The following PCDH11X variants were observed in gnomAD, a reference collection of about 807,000 sequenced individuals.
PCDH11X encodes the protein protocadherin 11 X-linked, also known as protocadherin-11 X-linked.
Under a neutral mutation model 53.3 loss-of-function variants are expected in PCDH11X, and 18 were observed. The ratio of observed to expected loss-of-function variants is 0.34; its 90% CI spans 0.23 to 0.50. The LOEUF is 0.50. Ranked by LOEUF, PCDH11X falls within the 20% of genes least tolerant of loss-of-function variation. The pLI, the probability that PCDH11X is intolerant of heterozygous loss-of-function variation, is 0.98. For missense variants in PCDH11X, 570 were observed against 1,032.4 expected, an observed-to-expected ratio of 0.55 and a Z score of 6.14; for synonymous variants, 279 against 393.3, an observed-to-expected ratio of 0.71 and a Z score of 3.44.
intron 10 of PCDH11X, among the ~76,000 whole-genome samples, chrX:92,572,035 G>A (rs1366361555): frequency 8.9e-6 from 1 of 112,345 alleles, no homozygotes; most frequent in Non-Finnish European, 1.9e-5. Flanking sequence ...TATATGTGTA[G>A]ATAAAATGTA....
intron 9 of PCDH11X, among the ~76,000 whole-genome samples, chrX:92,397,528 C>T (rs2071275324): frequency 1.9e-5 from 2 of 107,931 alleles, no homozygotes; most frequent in Admixed American, 1.0e-4. Flanking sequence ...AGTGCAGTGG[C>T]GTGATCTCAG....
At chrX:92,577,667 T>C (rs1923150852) in intron 10 of PCDH11X, among the ~76,000 whole-genome samples, 1 of 111,369 alleles carries the variant, frequency 9.0e-6, no homozygotes, top group Non-Finnish European at 1.9e-5. Context: ...TTCTAGTCAA[T>C]GTGGGCATTT....
At chrX:92,549,946 G>T (rs2074926838) in intron 10 of PCDH11X, among the ~76,000 whole-genome samples, 1 of 110,976 alleles carries the variant, frequency 9.0e-6, no homozygotes, top group Non-Finnish European at 1.9e-5. Context: ...CTTGTAGTGG[G>T]AATATTCGAA....
At chrX:92,425,488 G>C (rs965430916) in intron 9 of PCDH11X, among the ~76,000 whole-genome samples, 2 of 106,610 alleles carry the variant, frequency 1.9e-5, no homozygotes, top group Non-Finnish European at 3.9e-5. Flanking sequence ...TTTCAAATTA[G>C]AGACGGTGAA....
intron 8 of PCDH11X, among the ~76,000 whole-genome samples, chrX:92,305,029 C>A (rs1401371750): frequency 9.0e-6 from 1 of 111,131 alleles, no homozygotes; most frequent in Non-Finnish European, 1.9e-5. Flanking sequence ...TGAAAGCAAT[C>A]TGTTACACTC....
intron 10 of PCDH11X, among the ~76,000 whole-genome samples, chrX:92,544,443 A>C (rs886729929): frequency 1.8e-5 from 2 of 111,822 alleles, no homozygotes; most frequent in Non-Finnish European, 3.8e-5. Context: ...TTCTTATTCA[A>C]ATAGTGGGAC....
intron 1 of PCDH11X, among the ~76,000 whole-genome samples, chrX:91,789,219 A>G (rs1159064184): frequency 4.5e-4 from 47 of 104,309 alleles, no homozygotes; most frequent in Non-Finnish European, 3.8e-4. Flanking sequence ...AAAAAAAAAA[A>G]AAAAGAAAAG....
intron 8 of PCDH11X, among the ~76,000 whole-genome samples, chrX:92,378,966 T>A (rs1243576638): frequency 8.9e-6 from 1 of 112,892 alleles, no homozygotes; most frequent in Non-Finnish European, 1.9e-5. Context: ...AACAGAATAT[T>A]TGAATTTTGA....
rs1194359126 is a variant in PCDH11X, at chrX:92,327,662, C to A, written c.3145-60073C>A. The stretch of plus-strand genomic sequence containing the variant: ...TTGAAGAGATCTCTAACTGTCCATA[C>A]CATATGCACCTGGGATTAGTACAGT... On this transcript the variant is annotated intron_variant, in intron 8 of 10. Transcript: ENST00000682573. Among the ~76,000 whole-genome samples, 4 of 109,763 alleles carry A rather than the reference C, an allele frequency of 3.6e-5. No individual in the cohort carries two copies. In the Admixed American group the frequency reaches 3.9e-4, roughly 11 times the overall value.
intron 10 of PCDH11X, among the ~76,000 whole-genome samples, chrX:92,586,332 A>G (rs1042096218): frequency 9.0e-6 from 1 of 111,094 alleles, no homozygotes; most frequent in Non-Finnish European, 1.9e-5. Flanking sequence ...TAGTAATAAC[A>G]ATTTGTTTAA....
At chrX:92,510,424 A>G (rs1300350766) in intron 10 of PCDH11X, among the ~76,000 whole-genome samples, 1 of 107,954 alleles carries the variant, frequency 9.3e-6, no homozygotes, top group African/African-American at 3.3e-5. Context: ...TTTTAAAGTA[A>G]CTATCAGTAT....
At chrX:92,532,538 C>T (rs2074576556) in intron 10 of PCDH11X, among the ~76,000 whole-genome samples, 2 of 108,222 alleles carry the variant, frequency 1.8e-5, no homozygotes, top group Non-Finnish European at 3.8e-5. Flanking sequence ...AAAAAAACAA[C>T]ATGAAAAGTG....
chrX:92,395,536 T>C (rs189969233), intron 9 of PCDH11X, among the ~76,000 whole-genome samples: 281 of 111,123 alleles, frequency 2.5e-3, no homozygotes, highest in Non-Finnish European at 4.0e-3. Context: ...TCTTAATTTA[T>C]ATAATGAAGG....
chrX:92,520,023 T>A (rs2074340404), intron 10 of PCDH11X, among the ~76,000 whole-genome samples: 1 of 106,573 alleles, frequency 9.4e-6, no homozygotes, highest in Non-Finnish European at 1.9e-5. Context: ...GATAGGATAA[T>A]TAGACACCAC....
chrX:92,194,262 C>T (rs967442854), intron 6 of PCDH11X, among the ~76,000 whole-genome samples: 1 of 111,488 alleles, frequency 9.0e-6, no homozygotes, highest in African/African-American at 3.3e-5. Flanking sequence ...AATAAGCAAA[C>T]GTAAATTATT....
At chrX:92,501,022 A>T (rs1057231251) in intron 10 of PCDH11X, among the ~76,000 whole-genome samples, 6 of 111,083 alleles carry the variant, frequency 5.4e-5, no homozygotes, top group Admixed American at 9.6e-5. Flanking sequence ...AAATAAACAC[A>T]ATCAGAAATG....
At chrX:92,578,401 T>C (rs1339235143) in intron 10 of PCDH11X, among the ~76,000 whole-genome samples, 2 of 110,206 alleles carry the variant, frequency 1.8e-5, no homozygotes, top group African/African-American at 6.6e-5. Flanking sequence ...TGTGTGGGAG[T>C]CTAAGTCTCT....
At chrX:92,325,517 C>T (rs3844479) in intron 8 of PCDH11X, among the ~76,000 whole-genome samples, 26,304 of 110,173 alleles carry the variant, frequency 0.24, 2,758 homozygotes, top group Non-Finnish European at 0.33. Flanking sequence ...ATTTAGGTAC[C>T]AAAACTTATT....
chrX:92,464,594 C>G (rs2073121532), intron 9 of PCDH11X, among the ~76,000 whole-genome samples: 1 of 110,669 alleles, frequency 9.0e-6, no homozygotes, highest in African/African-American at 3.3e-5. Context: ...TTCTTTATAG[C>G]AGCATGAGAA....
Sources: gnomAD v4.1 joint callset for allele counts (sites outside exome capture counted in the v4.1 genomes callset) on GRCh38, gnomAD v4.1.1 for gene constraint, MANE v1.5 for transcripts, NCBI Gene and HGNC (gene_info 2026-07-23, HGNC 2026-07-21) for gene names.